Variants in ALG9 observed in about 807,000 individuals in gnomAD.
ALG9 encodes the protein alpha-1,2-mannosyltransferase ALG9.
In ALG9, 55 loss-of-function variants were observed where a neutral mutation model predicts 81.8. The observed-to-expected ratio is 0.67, with a 90% CI of 0.54 to 0.84. ALG9 has a LOEUF of 0.84. Among genes scored for constraint, ALG9 ranks in the 40% least tolerant of loss-of-function variants. The pLI, the probability that ALG9 is intolerant of heterozygous loss-of-function variation, is 0.00. For missense variants in ALG9, 629 were observed against 745.0 expected (o/e 0.84, Z 1.81); for synonymous variants, 278 against 274.3 (o/e 1.01, Z -0.13).
rs1400706740 is a variant in ALG9, at chr11:111,865,164, A to G, written c.476+17T>C. 3 of 1,532,154 alleles carry G rather than the reference A, an allele frequency of 2.0e-6. No individual in the cohort carries two copies. The highest frequency in any genetic ancestry group is 2.6e-6 in the Non-Finnish European group (3 of 1,139,584). The allele number at this position is 1,532,154 out of a possible 1,614,324, so 94.9% of individuals were successfully genotyped here. A position where few individuals can be genotyped will look rare whatever the true frequency, so the allele number is the denominator to read the frequency against. Reference sequence around the variant, plus strand: ...GTTTCCTCACAGCACTTTTAGAAGCAAAGTTTTTATACTCACTTGTAAAAG... The same window carrying G: ...GTTTCCTCACAGCACTTTTAGAAGCGAAGTTTTTATACTCACTTGTAAAAG... On this transcript the variant is annotated intron_variant, in intron 4 of 14. Coordinates refer to ENST00000616540, the MANE Select transcript of ALG9 (RefSeq NM_024740.2).
the ALG9 span, among the ~76,000 whole-genome samples, chr11:111,770,268 C>CA: frequency 6.6e-6 from 1 of 152,178 alleles, no homozygotes; most frequent in Non-Finnish European, 1.5e-5. Context: ...AGATGGTTTA[C>CA]AGTGTCCACT....
intron 13 of ALG9, among the ~76,000 whole-genome samples, chr11:111,810,011 T>G (rs1399089382): frequency 6.6e-6 from 1 of 152,180 alleles, no homozygotes; most frequent in Non-Finnish European, 1.5e-5. Flanking sequence ...GTTGAGTTCT[T>G]AAGTCCTTCT....
the ALG9 span, among the ~76,000 whole-genome samples, chr11:111,773,140 G>A: frequency 6.6e-6 from 1 of 152,018 alleles, no homozygotes; most frequent in Non-Finnish European, 1.5e-5. Flanking sequence ...TGATGCCCAT[G>A]CCAAACACAA....
At chr11:111,863,523 C>A (rs1460000454) in intron 4 of ALG9, among the ~76,000 whole-genome samples, 1 of 152,166 alleles carries the variant, frequency 6.6e-6, no homozygotes, top group East Asian at 1.9e-4. Context: ...ACTCCACTCA[C>A]AGTCAAGGCC....
intron 14 of ALG9, chr11:111,805,301 T>G: frequency 4.4e-6 from 2 of 456,312 alleles, no homozygotes; most frequent in Non-Finnish European, 8.8e-6. Flanking sequence ...GATCTTGGTC[T>G]TCCAGCCTTC....
At chr11:111,857,003 G>T (rs1346064771) in intron 6 of ALG9, among the ~76,000 whole-genome samples, 1 of 152,084 alleles carries the variant, frequency 6.6e-6, no homozygotes, top group Non-Finnish European at 1.5e-5. Flanking sequence ...GCTACTTGGG[G>T]GGCTGAGGCA....
chr11:111,865,226 C>T lies in ALG9; in HGVS notation c.431G>A (p.Cys144Tyr). ...AATACAGCTCACAAAAGCCAGAAGA[C>T]ATCGCAAAAAGTAAAACACAAGAAT... ...NKILVFYFLR[C>Y]LLAFVSCICE... is the part of the protein sequence containing the mutation. The change falls in exon 4 of 15, where the codon TGT becomes TAT. Residue 144 changes from cysteine (C) to tyrosine (Y), a missense_variant. This residue lies in a region of ALG9 where 344 missense variants were observed against 390.5 expected (regional missense o/e 0.88). Transcript: ENST00000616540. The T allele has an allele frequency of 6.4e-7, 1 of 1,552,504 alleles. No homozygotes were observed. The highest frequency in any genetic ancestry group is 8.7e-7 in the Non-Finnish European group (1 of 1,147,690).
downstream of ALG9, among the ~76,000 whole-genome samples, chr11:111,777,274 C>T (rs10502148): frequency 0.33 from 50,469 of 152,080 alleles, 9,457 homozygotes; most frequent in East Asian, 0.63. Flanking sequence ...CAATTCACCC[C>T]TTGGTTAGTT....
intron 14 of ALG9, among the ~76,000 whole-genome samples, chr11:111,791,856 C>T (rs1947468398): frequency 6.6e-6 from 1 of 152,252 alleles, no homozygotes; most frequent in Admixed American, 6.5e-5. Context: ...CTTTGGGAGG[C>T]CAAGGCGGGT....
At chr11:111,837,749 A>T (rs952106980) in intron 11 of ALG9, 134 bp from the exon 12 acceptor site, 1 of 994,606 alleles carries the variant, frequency 1.0e-6, no homozygotes, top group Non-Finnish European at 1.5e-6. Context: ...CCATTCCAGC[A>T]TGAAGCCTGC....
chr11:111,861,331 C>T (rs868940593), intron 4 of ALG9, among the ~76,000 whole-genome samples: 12 of 152,332 alleles, frequency 7.9e-5, no homozygotes, highest in Admixed American at 2.0e-4. Flanking sequence ...GCTCAGATTC[C>T]TTACTGCATT....
At chr11:111,870,731 G>T in intron 1 of ALG9, 1 of 1,022,868 alleles carries the variant, frequency 9.8e-7, no homozygotes, top group Non-Finnish European at 1.2e-6. Flanking sequence ...TTAGCTCAAT[G>T]CATTTATGTC....
chr11:111,786,341 G>T lies in ALG9; in HGVS notation c.*56C>A. 1 of 1,610,602 alleles carries T rather than the reference G, an allele frequency of 6.2e-7. No homozygotes were observed. The highest frequency in any genetic ancestry group is 8.5e-7 in the Non-Finnish European group (1 of 1,178,176). On this transcript the variant is annotated 3_prime_UTR_variant, in exon 15 of 15. Coordinates refer to ENST00000616540, the MANE Select transcript of ALG9 (RefSeq NM_024740.2). ...CAGGCGATGACTTGCAGGGAGTCAG[G>T]TCACTGGAATCAATAGTTAACAAGA...
At chr11:111,836,380 G>A (rs1241349430) in intron 12 of ALG9, 86 bp from the exon 13 acceptor site, 62 of 1,546,392 alleles carry the variant, frequency 4.0e-5, no homozygotes, top group Non-Finnish European at 5.1e-5. Context: ...GGAAAATCAT[G>A]TGAAAAACAT....
intron 13 of ALG9, among the ~76,000 whole-genome samples, chr11:111,823,231 T>C (rs984938102): frequency 6.6e-6 from 1 of 152,064 alleles, no homozygotes; most frequent in Non-Finnish European, 1.5e-5. Context: ...ACCACTAAGA[T>C]CCCTCTCAAC....
At chr11:111,801,089 C>T (rs1949058284) in intron 14 of ALG9, among the ~76,000 whole-genome samples, 2 of 152,096 alleles carry the variant, frequency 1.3e-5, no homozygotes, top group Admixed American at 1.3e-4. Context: ...ACGTAAATGA[C>T]CATTATATAT....
chr11:111,818,083 C>T (rs1026170810), intron 13 of ALG9, among the ~76,000 whole-genome samples: 1 of 152,120 alleles, frequency 6.6e-6, no homozygotes, highest in Non-Finnish European at 1.5e-5. Flanking sequence ...CTGGCCCTCA[C>T]TTCTATTTCA....
At chr11:111,790,134 C>T (rs1312473005) in intron 14 of ALG9, among the ~76,000 whole-genome samples, 4 of 152,118 alleles carry the variant, frequency 2.6e-5, no homozygotes, top group African/African-American at 7.2e-5. Context: ...GAGCTCAAGA[C>T]CAGCCTGGCC....
intron 13 of ALG9, 53 bp from the exon 14 acceptor site, chr11:111,809,826 G>A (rs1950450537): frequency 6.2e-7 from 1 of 1,602,366 alleles, no homozygotes; most frequent in Non-Finnish European, 8.5e-7. Context: ...GTCCCTTCAG[G>A]GTAGAGAACA....
Sources: allele counts gnomAD v4.1 joint callset (sites outside exome capture counted in the v4.1 genomes callset), GRCh38; gene constraint gnomAD v4.1.1; regional missense constraint gnomAD v4.1.1; transcripts MANE v1.5; gene names NCBI Gene and HGNC (gene_info 2026-07-23, HGNC 2026-07-21).